Variants in USP16 observed in about 807,000 individuals in gnomAD.
USP16 encodes ubiquitin carboxyl-terminal hydrolase 16.
USP16 carries 77 observed loss-of-function variants against 95.9 expected under a neutral mutation model. The ratio of observed to expected loss-of-function variants is 0.80; its 90% confidence interval spans 0.67 to 0.97. USP16 has a LOEUF of 0.97. USP16 is among the 50% of genes least tolerant of loss of function. The probability of loss-of-function intolerance (pLI) is 0.00; values close to 1 mark genes in which losing one functional copy is unlikely to be tolerated. For synonymous variants in USP16, 303 were observed against 318.2 expected (o/e 0.95, Z 0.51); for missense variants, 943 against 959.9 (o/e 0.98, Z 0.23).
chr21:29,035,929 AAAAAC>A (rs944696319), intron 4 of USP16, among the ~76,000 whole-genome samples: 6 of 152,178 alleles, frequency 3.9e-5, no homozygotes, highest in Non-Finnish European at 5.9e-5. Context: ...AAAAAAACCA[AAAAAC>A]AAAACAAACA....
At chr21:29,042,237 T>C (rs1301575517) in intron 11 of USP16, 133 bp downstream of exon 11, 2 of 868,010 alleles carry the variant, frequency 2.3e-6, no homozygotes, top group Non-Finnish European at 3.5e-6. Flanking sequence ...CAGATGTGCA[T>C]GGTTCTTTGT....
Position 29,054,133 on chromosome 21 carries a change from AACTAAAGT to A in USP16, c.2425_2432del (p.Val809LeufsTer9). The A allele has an allele frequency of 6.2e-7, 1 of 1,614,188 alleles. No individual in the cohort carries two copies. Among genetic ancestry groups the A allele is most frequent in the Non-Finnish European group, 8.5e-7 (1 of 1,179,966 alleles). On this transcript the variant is annotated frameshift_variant, in exon 18 of 18. Coordinates refer to ENST00000399976, the MANE Select transcript of USP16 (RefSeq NM_006447.3). LOFTEE classifies it high-confidence loss of function. The stretch of plus-strand genomic sequence containing the variant: ...ACACACATGTGCAAGCTGTGCCTAC[AACTAAAGT>A]ACTAAACTCACAAGCGTACCTCCTA...
At chr21:29,035,981 T>A (rs2409330) in intron 4 of USP16, among the ~76,000 whole-genome samples, 22,032 of 152,218 alleles carry the variant, frequency 0.14, 1,899 homozygotes, top group African/African-American at 0.24. Context: ...TTATTCTGTA[T>A]TTTAAAATAT....
intron 3 of USP16, among the ~76,000 whole-genome samples, chr21:29,034,082 T>C (rs1483161168): frequency 6.6e-6 from 1 of 152,204 alleles, no homozygotes; most frequent in Non-Finnish European, 1.5e-5. Context: ...GTTTGTTTAT[T>C]AGGAGTTTAA....
chr21:29,030,638 T>G lies in USP16; in HGVS notation c.105T>G (p.Asn35Lys). ...RHIRKGLEQG[N>K]LKKALVNVEW... ...TTAGAAAAGGATTGGAACAAGGTAATTTGAAAAAGGCTTTAGTGAATGTGG... is the reference window on the plus strand; with the variant it reads ...TTAGAAAAGGATTGGAACAAGGTAAGTTGAAAAAGGCTTTAGTGAATGTGG... Residue 35 changes from asparagine (N) to lysine (K), a missense_variant, in exon 3 of 18, where the codon AAT becomes AAG. Asn to Lys is a moderately conservative substitution (Grantham distance 94). Transcript: ENST00000399976. The G allele has an allele frequency of 1.2e-6, 2 of 1,613,346 alleles. No homozygotes were observed. Among genetic ancestry groups the G allele is most frequent in the Non-Finnish European group, 1.7e-6 (2 of 1,179,756 alleles).
At chr21:29,040,849 G>A (rs1216994459) in intron 10 of USP16, among the ~76,000 whole-genome samples, 162 bp downstream of exon 10, 2 of 152,172 alleles carry the variant, frequency 1.3e-5, no homozygotes, top group Non-Finnish European at 2.9e-5. Context: ...GAAGTGAACA[G>A]TTTTACCCCA....
intron 3 of USP16, among the ~76,000 whole-genome samples, chr21:29,031,207 C>T (rs574059730): frequency 6.6e-6 from 1 of 152,276 alleles, no homozygotes; most frequent in South Asian, 2.1e-4. Flanking sequence ...CTCAGCCGGC[C>T]ACATTCTCAG....
chr21:29,030,908 T>G, intron 3 of USP16, 135 bp downstream of exon 3: 1 of 1,002,162 alleles, frequency 1.0e-6, no homozygotes, highest in South Asian at 1.9e-5. Context: ...GAACCAGTTC[T>G]GAGATGTGTG....
intron 13 of USP16, among the ~76,000 whole-genome samples, chr21:29,045,549 G>T (rs972476175): frequency 2.6e-5 from 4 of 151,098 alleles, no homozygotes; most frequent in Admixed American, 1.3e-4. Context: ...GCATCCTTGA[G>T]TTTTCTTTCA....
chr21:29,028,269 C>T (rs1340323982), intron 2 of USP16, among the ~76,000 whole-genome samples: 3 of 150,574 alleles, frequency 2.0e-5, no homozygotes, highest in Non-Finnish European at 1.5e-5. Flanking sequence ...ATTACAGACA[C>T]ATCCCACCAC....
At chr21:29,026,237 T>A (rs2084984778) in intron 1 of USP16, among the ~76,000 whole-genome samples, 1 of 152,014 alleles carries the variant, frequency 6.6e-6, no homozygotes, top group South Asian at 2.1e-4. Flanking sequence ...GGCAGGTGGA[T>A]CACGAGGTCA....
chr21:29,030,923 G>C, intron 3 of USP16, 150 bp downstream of exon 3: 1 of 827,400 alleles, frequency 1.2e-6, no homozygotes, highest in African/African-American at 1.8e-5. Context: ...TGTGTGTATA[G>C]GTGGTGGAGT....
At chr21:29,036,148 T>A in intron 4 of USP16, 123 bp from the exon 5 acceptor site, 1 of 746,096 alleles carries the variant, frequency 1.3e-6, no homozygotes, top group Non-Finnish European at 2.2e-6. Flanking sequence ...ACAGAATTTT[T>A]ACGTTCGGTT....
At chr21:29,028,289 ATT>A (rs775282066) in intron 2 of USP16, among the ~76,000 whole-genome samples, 15 of 136,704 alleles carry the variant, frequency 1.1e-4, no homozygotes, top group African/African-American at 8.0e-5. Flanking sequence ...CAGCCAGCTA[ATT>A]TTTTTTTTTT....
intron 3 of USP16, among the ~76,000 whole-genome samples, chr21:29,033,212 TA>T (rs1308288572): frequency 6.6e-6 from 1 of 152,230 alleles, no homozygotes; most frequent in African/African-American, 2.4e-5. Context: ...TTTTTCCCAC[TA>T]GATACCTTTG....
At chr21:29,045,951 G>GCC (rs1568895850) in intron 13 of USP16, among the ~76,000 whole-genome samples, 2 of 151,888 alleles carry the variant, frequency 1.3e-5, no homozygotes, top group African/African-American at 4.8e-5. Context: ...GATTACAGGC[G>GCC]CGCACCACCC....
intron 1 of USP16, chr21:29,026,566 G>C (rs948485287): frequency 3.2e-5 from 1 of 31,714 alleles, no homozygotes; most frequent in East Asian, 4.6e-4. Context: ...TTTTTTGGTA[G>C]AGATAGAGTG....
intron 15 of USP16, among the ~76,000 whole-genome samples, chr21:29,049,889 G>A (rs935292249): frequency 2.0e-5 from 3 of 152,172 alleles, no homozygotes; most frequent in African/African-American, 7.2e-5. Context: ...GTGTTGGTGT[G>A]TGTTTTTTGT....
At position 29,053,790 on chromosome 21, in the gene USP16, T is replaced by A. The variant is rs1483700160; in HGVS notation, c.2194-12T>A. On this transcript the variant is annotated splice_polypyrimidine_tract_variant and intron_variant, in intron 16 of 17. Coordinates refer to ENST00000399976, the MANE Select transcript of USP16 (RefSeq NM_006447.3). ...ACTAGAACTAACTTTTGGATTCTAC[T>A]CATTTTTAAAGAATGTTGCAGAAGA... 6.2e-7 allele frequency: 1 copy of A among 1,609,742 alleles called. No homozygotes were observed. The highest frequency in any genetic ancestry group is 1.1e-5 in the South Asian group (1 of 90,230).
Sources: gnomAD v4.1 joint callset for allele counts (sites outside exome capture counted in the v4.1 genomes callset) on GRCh38, gnomAD v4.1.1 for gene constraint, MANE v1.5 for transcripts, NCBI Gene and HGNC (gene_info 2026-07-23, HGNC 2026-07-21) for gene names.